Variants in PTPRM observed in about 807,000 individuals in gnomAD.
PTPRM encodes protein tyrosine phosphatase receptor type M.
A neutral mutation model predicts 186.7 loss-of-function variants in PTPRM; 47 were observed. The ratio of observed to expected loss-of-function variants is 0.25; its 90% confidence interval spans 0.20 to 0.32. The LOEUF is 0.32. Ranked by LOEUF, PTPRM falls within the 10% of genes least tolerant of loss-of-function variation. The probability of loss-of-function intolerance (pLI) is 1.00; values close to 1 mark genes in which losing one functional copy is unlikely to be tolerated. For missense variants in PTPRM, 1,494 were observed against 1,865.0 expected (o/e 0.80, Z 3.66); for synonymous variants, 668 against 674.9 (o/e 0.99, Z 0.16).
At chr18:8,035,374 G>C (rs1411789936) in intron 7 of PTPRM, among the ~76,000 whole-genome samples, 1 of 152,112 alleles carries the variant, frequency 6.6e-6, no homozygotes, top group African/African-American at 2.4e-5. Context: ...GGGGGGATTA[G>C]TTCCAAGACT....
intron 1 of PTPRM, among the ~76,000 whole-genome samples, chr18:7,736,599 C>T (rs1361105822): frequency 6.6e-6 from 1 of 150,676 alleles, no homozygotes; most frequent in East Asian, 2.0e-4. Context: ...TTTAAGGGCT[C>T]ACAACACTAA....
intron 1 of PTPRM, among the ~76,000 whole-genome samples, chr18:7,680,104 A>G (rs1173192403): frequency 6.6e-6 from 1 of 152,160 alleles, no homozygotes; most frequent in Non-Finnish European, 1.5e-5. Flanking sequence ...GGACTCAAGC[A>G]ATATACCTAC....
chr18:8,214,504 A>G (rs191107992), intron 14 of PTPRM, among the ~76,000 whole-genome samples: 80 of 152,166 alleles, frequency 5.3e-4, no homozygotes, highest in Non-Finnish European at 8.5e-4. Context: ...TCATTAAGTG[A>G]GAGTTTTTTA....
chr18:8,083,104 G>A (rs1211088711), intron 9 of PTPRM, among the ~76,000 whole-genome samples: 6 of 151,908 alleles, frequency 3.9e-5, no homozygotes, highest in Admixed American at 2.0e-4. Context: ...ATAGCTCTAG[G>A]CCCTGGACTC....
At chr18:8,289,541 T>A (rs909301530) in intron 19 of PTPRM, among the ~76,000 whole-genome samples, 5 of 81,230 alleles carry the variant, frequency 6.2e-5, no homozygotes, top group Admixed American at 5.3e-4. Flanking sequence ...TATACACATA[T>A]ATATATATAC....
chr18:8,069,599 A>G (rs1244039288), intron 7 of PTPRM, 87 bp from the exon 8 acceptor site: 5 of 1,197,266 alleles, frequency 4.2e-6, no homozygotes, highest in Non-Finnish European at 5.8e-6. Flanking sequence ...GGTGGGGACA[A>G]CTGGGAATAT....
chr18:7,758,147 G>A (rs1393635175), intron 1 of PTPRM, among the ~76,000 whole-genome samples: 1 of 152,172 alleles, frequency 6.6e-6, no homozygotes, highest in African/African-American at 2.4e-5. Context: ...GGCCAGTGAA[G>A]CACACTTTGA....
chr18:7,961,074 T>C (rs556448664), intron 7 of PTPRM, among the ~76,000 whole-genome samples: 2 of 152,306 alleles, frequency 1.3e-5, no homozygotes, highest in South Asian at 2.1e-4. Context: ...CAATATGTAA[T>C]AATCACATCG....
intron 4 of PTPRM, among the ~76,000 whole-genome samples, chr18:7,911,027 G>A (rs554202792): frequency 6.6e-5 from 10 of 152,260 alleles, no homozygotes; most frequent in South Asian, 6.2e-4. Flanking sequence ...ATGCAGTTGC[G>A]CTATATGTGG....
Position 7,867,418 on chromosome 18 carries a change from G to C in PTPRM, c.197-20688G>C, listed in dbSNP as rs756020525. Among the ~76,000 whole-genome samples, 115 of 152,264 alleles carry C rather than the reference G, an allele frequency of 7.6e-4. 1 individual carries two copies. Among genetic ancestry groups the C allele is most frequent in the Non-Finnish European group, 3.5e-4 (24 of 68,010 alleles). ...GTGGTAACAAAATCTCTCAGCATTT[G>C]CTTGTCTGTAATGTATTTTATTTCT... is the stretch of plus-strand genomic sequence containing the variant. On this transcript the variant is annotated intron_variant, in intron 2 of 32. Coordinates refer to ENST00000580170, the MANE Select transcript of PTPRM (RefSeq NM_001105244.2).
chr18:7,943,623 T>G (rs1679961432), intron 5 of PTPRM, among the ~76,000 whole-genome samples: 1 of 152,168 alleles, frequency 6.6e-6, no homozygotes, highest in Non-Finnish European at 1.5e-5. Flanking sequence ...ACGGCAGGGT[T>G]GGTTCCTCCC....
intron 2 of PTPRM, among the ~76,000 whole-genome samples, chr18:7,847,042 C>T (rs1190784528): frequency 2.0e-5 from 3 of 151,232 alleles, no homozygotes; most frequent in Non-Finnish European, 4.4e-5. Flanking sequence ...TGCAAGGTCC[C>T]TTAGAATTTC....
rs564173997 is a variant in PTPRM at position 7,781,977 on chromosome 18, C to T, written c.196+7706C>T. Reference sequence around the variant, plus strand: ...TCGTCCTCCCTAGGTCTTACTCAGACCACCTTGGTGAGGCTTAGAATGAGT... The same window carrying T: ...TCGTCCTCCCTAGGTCTTACTCAGATCACCTTGGTGAGGCTTAGAATGAGT... On this transcript the variant is annotated intron_variant, in intron 2 of 32. Coordinates refer to ENST00000580170, the MANE Select transcript of PTPRM (RefSeq NM_001105244.2). 1.7e-4 allele frequency among the ~76,000 whole-genome samples: 26 copies of T among 152,254 alleles called. No individual in the cohort carries two copies. In the South Asian group the frequency reaches 5.4e-3, roughly 32 times the overall value.
intron 1 of PTPRM, among the ~76,000 whole-genome samples, chr18:7,674,312 C>G (rs929499267): frequency 6.6e-6 from 1 of 152,148 alleles, no homozygotes; most frequent in African/African-American, 2.4e-5. Flanking sequence ...AAAGATGAAA[C>G]AAAGCTTCAA....
At chr18:7,973,938 TTAGAG>T (rs1362491634) in intron 7 of PTPRM, among the ~76,000 whole-genome samples, 2 of 151,862 alleles carry the variant, frequency 1.3e-5, no homozygotes, top group African/African-American at 4.8e-5. Context: ...ATTTTTATAC[TTAGAG>T]TATTTAGTCA....
At position 7,899,259 on chromosome 18, in the gene PTPRM, G is replaced by T. The variant is rs1038105411; in HGVS notation, c.469-7246G>T. On this transcript the variant is annotated intron_variant, in intron 3 of 32. Coordinates refer to ENST00000580170, the MANE Select transcript of PTPRM (RefSeq NM_001105244.2). ...TTTTATAGTATCAGAGCTGAAACAA[G>T]GCGACAGAACATTGCCCTGCCTGAC... Among the ~76,000 whole-genome samples, 10 of 152,196 alleles carry T rather than the reference G, an allele frequency of 6.6e-5. 1 individual carries two copies. Among genetic ancestry groups the T allele is most frequent in the African/African-American group, 2.2e-4 (9 of 41,444 alleles).
intron 1 of PTPRM, among the ~76,000 whole-genome samples, chr18:7,705,000 A>G (rs1370567791): frequency 6.6e-6 from 1 of 152,166 alleles, no homozygotes; most frequent in Non-Finnish European, 1.5e-5. Context: ...AGGAAATAAT[A>G]TTTAAGCATT....
At chr18:7,763,949 CTT>C (rs543411722) in intron 1 of PTPRM, among the ~76,000 whole-genome samples, 2 of 139,576 alleles carry the variant, frequency 1.4e-5, no homozygotes, top group Admixed American at 1.5e-4. Context: ...AAATGCAATT[CTT>C]TTTTTTTTTT....
At chr18:8,138,543 T>TCC (rs2092691536) in intron 13 of PTPRM, among the ~76,000 whole-genome samples, 1 of 152,044 alleles carries the variant, frequency 6.6e-6, no homozygotes, top group South Asian at 2.1e-4. Context: ...GTCCTCAGTC[T>TCC]CCCCTCATCT....
Sources: gnomAD v4.1 joint callset for allele counts (sites outside exome capture counted in the v4.1 genomes callset) on GRCh38, gnomAD v4.1.1 for gene constraint, MANE v1.5 for transcripts, NCBI Gene and HGNC (gene_info 2026-07-23, HGNC 2026-07-21) for gene names.